The following SLC25A29 variants were observed in gnomAD, a reference collection of about 807,000 sequenced individuals.
SLC25A29 encodes the protein mitochondrial basic amino acids transporter.
SLC25A29 carries 13 observed loss-of-function variants against 10.0 expected under a neutral mutation model. The observed-to-expected ratio is 1.30, with a 90% CI of 0.85 to 2.07. The LOEUF (loss-of-function observed/expected upper bound fraction) is 2.07, where lower values mean the gene tolerates loss of function less well. Among genes scored for constraint, SLC25A29 ranks in the 30% most tolerant of loss-of-function variants. SLC25A29 has a pLI of 0.00. For missense variants in SLC25A29, 475 were observed against 447.6 expected, an observed-to-expected ratio of 1.06 and a Z score of -0.55; for synonymous variants, 244 against 221.1, an observed-to-expected ratio of 1.10 and a Z score of -0.92.
intron 1 of SLC25A29, among the ~76,000 whole-genome samples, chr14:100,303,514 C>A (rs74085032): frequency 0.031 from 4,704 of 152,350 alleles, 240 homozygotes; most frequent in African/African-American, 0.11. Flanking sequence ...CCAGGAGAGG[C>A]ACTGGTTCCC....
At chr14:100,287,020 G>A (rs1464435748), downstream of SLC25A29, among the ~76,000 whole-genome samples, 4 of 152,254 alleles carry the variant, frequency 2.6e-5, no homozygotes, top group African/African-American at 9.6e-5. Flanking sequence ...ATGAAGGGAT[G>A]GGTGTGCATA....
the SLC25A29 span, among the ~76,000 whole-genome samples, chr14:100,285,361 GGCTTCTAGACCTGC>G: frequency 2.6e-3 from 400 of 152,068 alleles, 2 homozygotes; most frequent in African/African-American, 9.2e-3. Flanking sequence ...CGGCCCCGGG[GGCTTCTAGACCTGC>G]GCCTGGGCCC....
intron 2 of SLC25A29, 195 bp from the exon 3 acceptor site, chr14:100,293,572 A>C (rs1452997116): frequency 1.7e-6 from 1 of 593,306 alleles, no homozygotes; most frequent in East Asian, 2.8e-5. Context: ...GTAGGCAAAC[A>C]GCTAAAGGGA....
At position 100,292,893 on chromosome 14, in the gene SLC25A29, G is replaced by A. The variant is rs1595352169; in HGVS notation, c.302C>T (p.Ala101Val). Residue 101 changes from alanine to valine, a missense_variant, in exon 4 of 4, where the codon GCG becomes GTG. Transcript: ENST00000359232. ...GATGACGCACTGGATGGCGCCCGCCGCCGCACCTGCCAGGAACTGGTTGAG... is the reference window on the plus strand; with the variant it reads ...GATGACGCACTGGATGGCGCCCGCCACCGCACCTGCCAGGAACTGGTTGAG... The part of the protein sequence containing the change: ...SPLNQFLAGA[A>V]AGAIQCVICC... 2 of 1,605,558 alleles carry A rather than the reference G, an allele frequency of 1.2e-6. No homozygotes were observed. Among genetic ancestry groups the A allele is most frequent in the Non-Finnish European group, 1.7e-6 (2 of 1,177,494 alleles).
chr14:100,303,490 C>T (rs890501958), intron 1 of SLC25A29, among the ~76,000 whole-genome samples: 2 of 152,222 alleles, frequency 1.3e-5, no homozygotes, highest in African/African-American at 4.8e-5. Flanking sequence ...CCCACAAGGC[C>T]CCACTCAAGT....
At position 100,292,423 on chromosome 14, in the gene SLC25A29, C is replaced by A. The variant is rs1158932834; in HGVS notation, c.772G>T (p.Ala258Ser). The A allele has an allele frequency of 6.3e-5, 99 of 1,577,516 alleles. No individual in the cohort carries two copies. The highest frequency in any genetic ancestry group is 7.5e-5 in the Non-Finnish European group (87 of 1,164,466). ...AAGGTGGCAGCGTTGACGGGGAAGG[C>A]GCGCAGCAGCGTGGACGCCAGCCCC... ...TRGLASTLLR[A>S]FPVNAATFAT... The change falls in exon 4 of 4, where the codon GCC becomes TCC. Residue 258 changes from alanine to serine, a missense_variant. Ala to Ser is a moderately conservative substitution (Grantham distance 99). Coordinates refer to ENST00000359232, the MANE Select transcript of SLC25A29 (RefSeq NM_001039355.3).
downstream of SLC25A29, among the ~76,000 whole-genome samples, chr14:100,286,578 C>T (rs1265961141): frequency 6.6e-6 from 1 of 152,154 alleles, no homozygotes; most frequent in African/African-American, 2.4e-5. Flanking sequence ...CAAGGAGCCC[C>T]TGGGGCACAG....
the SLC25A29 span, chr14:100,281,089 G>GAAAAAAAAAAAAA: frequency 8.5e-6 from 1 of 117,966 alleles, no homozygotes; most frequent in African/African-American, 3.4e-5. Flanking sequence ...AAAAAAAAAG[G>GAAAAAAAAAAAAA]AAACCTGACA....
rs1263871704 is a variant in SLC25A29 at position 100,293,130 on chromosome 14, G to C, written c.163-98C>G. On this transcript the variant is annotated intron_variant, in intron 3 of 3. Transcript: ENST00000359232. Reference sequence around the variant, plus strand: ...GGATGGCAGCCCCAGCCCACCCCAGGGGCTCCTGAGGACCAAGCAGAATTT... The same window carrying C: ...GGATGGCAGCCCCAGCCCACCCCAGCGGCTCCTGAGGACCAAGCAGAATTT... 2.1e-6 allele frequency: 3 copies of C among 1,455,174 alleles called. No homozygotes were observed. The African/African-American group carries it at 4.2e-5, about 21-fold the overall frequency. The allele number at this position is 1,455,174 out of a possible 1,614,324, so 90.1% of individuals were successfully genotyped here. A position where few individuals can be genotyped will look rare whatever the true frequency, so the allele number is the denominator to read the frequency against.
rs771297483 is a variant in SLC25A29 at position 100,292,415 on chromosome 14, G to A, written c.780C>T (p.Pro260=). 154 of 1,576,938 alleles carry A rather than the reference G, an allele frequency of 9.8e-5. No homozygotes were observed. Among genetic ancestry groups the A allele is most frequent in the Middle Eastern group, 1.7e-4 (1 of 6,032 alleles). ...CGGTGGCGAAGGTGGCAGCGTTGACGGGGAAGGCGCGCAGCAGCGTGGACG... is the reference window on the plus strand; with the variant it reads ...CGGTGGCGAAGGTGGCAGCGTTGACAGGGAAGGCGCGCAGCAGCGTGGACG... The part of the protein sequence containing the change: ...GLASTLLRAF[P]VNAATFATVT... Residue 260 remains proline, a synonymous_variant, in exon 4 of 4, where the codon CCC becomes CCT. Transcript: ENST00000359232.
intron 1 of SLC25A29, among the ~76,000 whole-genome samples, chr14:100,303,673 C>A (rs1265255091): frequency 1.3e-5 from 2 of 152,174 alleles, no homozygotes; most frequent in Non-Finnish European, 2.9e-5. Flanking sequence ...CACGAGGAGG[C>A]CTCCAGTCAC....
At chr14:100,301,659 G>A (rs941965263) in intron 1 of SLC25A29, among the ~76,000 whole-genome samples, 4 of 151,830 alleles carry the variant, frequency 2.6e-5, no homozygotes, top group Admixed American at 1.3e-4. Context: ...ACAGGTGCCC[G>A]CCACCACGCC....
Position 100,292,391 on chromosome 14 carries a change from G to A in SLC25A29, c.804C>T (p.Thr268=), listed in dbSNP as rs200832152. The A allele has an allele frequency of 1.0e-4, 163 of 1,565,952 alleles. No individual in the cohort carries two copies. Among genetic ancestry groups the A allele is most frequent in the Non-Finnish European group, 1.2e-4 (143 of 1,158,752 alleles). ...GCGCGTAGGTGAGCACCACCGTGACGGTGGCGAAGGTGGCAGCGTTGACGG... is the reference window on the plus strand; with the variant it reads ...GCGCGTAGGTGAGCACCACCGTGACAGTGGCGAAGGTGGCAGCGTTGACGG... The part of the protein sequence containing the change: ...AFPVNAATFA[T]VTVVLTYARG... The change falls in exon 4 of 4, where the codon ACC becomes ACT. Residue 268 remains threonine, a synonymous_variant. Transcript: ENST00000359232.
At chr14:100,298,781 A>G (rs374730003) in intron 2 of SLC25A29, 61 bp downstream of exon 2, 7 of 1,609,300 alleles carry the variant, frequency 4.3e-6, no homozygotes, top group Non-Finnish European at 6.0e-6. Flanking sequence ...CAGCCACCCC[A>G]ACCCTGTGAG....
chr14:100,288,709 G>A (rs1211120227), downstream of SLC25A29, among the ~76,000 whole-genome samples: 1 of 151,902 alleles, frequency 6.6e-6, no homozygotes, highest in Non-Finnish European at 1.5e-5. Context: ...GCTCAGACGT[G>A]TCCCCCAGTT....
chr14:100,287,467 A>G (rs1220903097), downstream of SLC25A29, among the ~76,000 whole-genome samples: 1 of 151,582 alleles, frequency 6.6e-6, no homozygotes, highest in Non-Finnish European at 1.5e-5. Flanking sequence ...CCTTTCCCTT[A>G]AGGGGTCAAG....
At chr14:100,295,683 G>A (rs1436217059) in intron 2 of SLC25A29, 1 of 1,289,554 alleles carries the variant, frequency 7.8e-7, no homozygotes, top group Non-Finnish European at 1.0e-6. Flanking sequence ...CTTTTGCTAT[G>A]GATGGAGACA....
At position 100,306,085 on chromosome 14, in the gene SLC25A29, C is replaced by T. The variant is rs1273175682; in HGVS notation, c.34+114G>A. 1.2e-5 allele frequency: 9 copies of T among 741,758 alleles called. No homozygotes were observed. The East Asian group carries it at 3.1e-4, about 26-fold the overall frequency. 45.9% of individuals were successfully genotyped at this position (741,758 alleles called of 1,614,324 possible). On this transcript the variant is annotated intron_variant, in intron 1 of 3. Transcript: ENST00000359232. ...AGGCAAGAGAACTGTGGTCCCCATT[C>T]ACAGACGCGGCGACCCCCGCCAGCG...
downstream of SLC25A29, among the ~76,000 whole-genome samples, chr14:100,288,005 A>C (rs1380402025): frequency 1.3e-5 from 2 of 152,172 alleles, no homozygotes; most frequent in East Asian, 3.9e-4. Context: ...CAGAGACCAG[A>C]GGTCAAGGGG....
Sources: allele counts gnomAD v4.1 joint callset (sites outside exome capture counted in the v4.1 genomes callset), GRCh38; gene constraint gnomAD v4.1.1; transcripts MANE v1.5; gene names NCBI Gene and HGNC (gene_info 2026-07-23, HGNC 2026-07-21).